Variants in PHLDB2 observed in about 807,000 individuals in gnomAD.
The protein encoded by PHLDB2 is pleckstrin homology like domain family B member 2.
PHLDB2 carries 71 observed loss-of-function variants against 123.6 expected under a neutral mutation model. That is an observed-to-expected ratio of 0.57 (90% confidence interval 0.47 to 0.70). The LOEUF (loss-of-function observed/expected upper bound fraction) is 0.70. Ranked by LOEUF, PHLDB2 falls within the 30% of genes least tolerant of loss-of-function variation. The pLI is 0.00. For missense variants in PHLDB2, 1,446 were observed against 1,519.5 expected (o/e 0.95, Z 0.80); for synonymous variants, 547 against 541.6 (o/e 1.01, Z -0.14).
rs565821460 is a variant in PHLDB2 at position 111,863,272 on chromosome 3, G to A, written c.-15+3696G>A. Among the ~76,000 whole-genome samples the A allele has an allele frequency of 1.7e-3, 260 of 152,244 alleles. 1 individual carries two copies. The highest frequency in any genetic ancestry group is 6.1e-3 in the African/African-American group (252 of 41,520). ...TAGCAGATGTTGCTTTTGAATCCAG[G>A]TACAAAACAGAACATTTGAGATTTT... On this transcript the variant is annotated intron_variant, in intron 1 of 17. Coordinates refer to ENST00000431670, the MANE Select transcript of PHLDB2 (RefSeq NM_001134438.2).
In PHLDB2 at chr3:111,896,030, A is replaced by G. The variant is rs115571202; in HGVS notation, c.1335+10618A>G. The stretch of plus-strand genomic sequence containing the variant: ...TTCTTTTTTTGAGGAGAGTCTTGCT[A>G]TGTTGTCCAGGCTGGAGTACAGTGG... On this transcript the variant is annotated intron_variant, in intron 2 of 17. Transcript: ENST00000431670. Among the ~76,000 whole-genome samples the G allele has an allele frequency of 7.1e-3, 1,073 of 152,152 alleles. 15 individuals carry two copies. The highest frequency in any genetic ancestry group is 0.024 in the African/African-American group (1,006 of 41,512).
chr3:111,750,587 C>T (rs1470493813), intron 1 of PHLDB2, among the ~76,000 whole-genome samples: 1 of 152,168 alleles, frequency 6.6e-6, no homozygotes, highest in Non-Finnish European at 1.5e-5. Context: ...GAGAGATCAT[C>T]TTCTACCCCA....
At chr3:111,947,052 T>A (rs1368092294) in intron 9 of PHLDB2, among the ~76,000 whole-genome samples, 1 of 152,150 alleles carries the variant, frequency 6.6e-6, no homozygotes, top group African/African-American at 2.4e-5. Flanking sequence ...TTATTCCAGT[T>A]TGAATAATGA....
At chr3:111,951,317 A>T (rs760019977) in intron 10 of PHLDB2, among the ~76,000 whole-genome samples, 1 of 152,220 alleles carries the variant, frequency 6.6e-6, no homozygotes, top group Admixed American at 6.5e-5. Context: ...AGATAGTAAT[A>T]GTACCTACCT....
chr3:111,911,987 G>A (rs1278882368), intron 2 of PHLDB2, among the ~76,000 whole-genome samples: 1 of 152,220 alleles, frequency 6.6e-6, no homozygotes, highest in African/African-American at 2.4e-5. Flanking sequence ...AGCTGCAATT[G>A]AAATGAGAAC....
intron 1 of PHLDB2, among the ~76,000 whole-genome samples, chr3:111,797,785 C>T (rs1487733982): frequency 6.6e-6 from 1 of 152,130 alleles, no homozygotes; most frequent in Non-Finnish European, 1.5e-5. Flanking sequence ...ACAACCAAGC[C>T]TCAGAGAAAT....
At chr3:111,859,729 C>T (rs2064704823) in intron 1 of PHLDB2, 153 bp downstream of exon 1, 3 of 985,310 alleles carry the variant, frequency 3.0e-6, no homozygotes, top group Non-Finnish European at 2.4e-6. Context: ...GCAGTGGCTG[C>T]CCGGGCCGAG....
At position 111,732,751 on chromosome 3, in the gene PHLDB2, G is replaced by A. The variant is rs572714356; in HGVS notation, c.-49+48G>A. ...GGCCCTTCTCTTGTAATAACAAAAT[G>A]AGCAGCATATACAGCCTCGTCACCA... On this transcript the variant is annotated intron_variant, in intron 1 of 17. Coordinates refer to the PHLDB2 transcript ENST00000393923. 493 of 1,469,902 alleles carry A rather than the reference G, an allele frequency of 3.4e-4. 5 individuals carry two copies. The Middle Eastern group carries it at 0.013, about 38-fold the overall frequency. The allele number at this position is 1,469,902 out of a possible 1,614,324, so 91.1% of individuals were successfully genotyped here.
intron 2 of PHLDB2, among the ~76,000 whole-genome samples, chr3:111,902,795 T>C (rs2067273334): frequency 6.6e-6 from 1 of 152,138 alleles, no homozygotes; most frequent in Admixed American, 6.5e-5. Context: ...TGAGCCACCA[T>C]GCTCAGCTAA....
At chr3:111,814,319 A>ATT (rs150614135) in intron 1 of PHLDB2, among the ~76,000 whole-genome samples, 1 of 4,820 alleles carries the variant, frequency 2.1e-4, no homozygotes, top group Non-Finnish European at 3.3e-3. Flanking sequence ...AGAAAGACTA[A>ATT]CAGCCTCCCA....
intron 5 of PHLDB2, among the ~76,000 whole-genome samples, chr3:111,928,467 A>C (rs893938753): frequency 3.3e-5 from 5 of 152,216 alleles, no homozygotes; most frequent in African/African-American, 7.2e-5. Context: ...CTGGATTTGT[A>C]ACCAAATTGG....
chr3:111,928,561 T>C (rs139934138), intron 5 of PHLDB2, among the ~76,000 whole-genome samples: 2 of 152,352 alleles, frequency 1.3e-5, no homozygotes, highest in African/African-American at 2.4e-5. Context: ...ACAGGATCAA[T>C]TGCTCTCTTT....
In PHLDB2 at chr3:111,945,433, T is replaced by C. The variant is rs925312311; in HGVS notation, c.2487+76T>C. ...TGTATTTCAGCTTTATTTGATTAGC[T>C]GAATAATAAAAATATTAACTCAAAG... On this transcript the variant is annotated intron_variant, in intron 9 of 17. Transcript: ENST00000431670. 11 of 1,130,834 alleles carry C rather than the reference T, an allele frequency of 9.7e-6. No individual in the cohort carries two copies. In the African/African-American group the frequency reaches 1.6e-4, roughly 16 times the overall value. The allele number at this position is 1,130,834 out of a possible 1,614,324, so 70.1% of individuals were successfully genotyped here. A position where few individuals can be genotyped will look rare whatever the true frequency, so the allele number is the denominator to read the frequency against.
intron 16 of PHLDB2, among the ~76,000 whole-genome samples, chr3:111,970,239 A>G (rs552821438): frequency 1.3e-5 from 2 of 152,272 alleles, no homozygotes; most frequent in East Asian, 1.9e-4. Flanking sequence ...TTTCTGTTTT[A>G]ATCCATTCTT....
chr3:111,794,085 C>G (rs1347769810), intron 1 of PHLDB2, among the ~76,000 whole-genome samples: 1 of 151,978 alleles, frequency 6.6e-6, no homozygotes, highest in African/African-American at 2.4e-5. Context: ...CAAGGAATTG[C>G]AGTCCTTGTG....
intron 1 of PHLDB2, among the ~76,000 whole-genome samples, chr3:111,780,602 A>G (rs552203387): frequency 3.9e-4 from 60 of 152,110 alleles, no homozygotes; most frequent in African/African-American, 1.3e-3. Flanking sequence ...TTATAGCGAC[A>G]GAAACCTGCT....
intron 9 of PHLDB2, among the ~76,000 whole-genome samples, chr3:111,945,854 C>G (rs2070266713): frequency 6.6e-6 from 1 of 152,064 alleles, no homozygotes; most frequent in African/African-American, 2.4e-5. Flanking sequence ...ATTTTCCCCT[C>G]TAAACTGGAA....
intron 10 of PHLDB2, among the ~76,000 whole-genome samples, chr3:111,951,593 A>G (rs903740724): frequency 3.3e-5 from 5 of 152,104 alleles, no homozygotes; most frequent in African/African-American, 7.2e-5. Flanking sequence ...TCACTTTACT[A>G]TATATATTTA....
intron 5 of PHLDB2, among the ~76,000 whole-genome samples, chr3:111,930,745 G>C (rs1168785889): frequency 1.3e-5 from 2 of 152,164 alleles, no homozygotes; most frequent in Non-Finnish European, 2.9e-5. Context: ...TTGCACAATT[G>C]GTGTGTACAG....
Sources: allele counts gnomAD v4.1 joint callset (sites outside exome capture counted in the v4.1 genomes callset), GRCh38; gene constraint gnomAD v4.1.1; transcripts MANE v1.5; gene names NCBI Gene and HGNC (gene_info 2026-07-23, HGNC 2026-07-21).